Variants in BTNL9 observed in about 807,000 individuals in gnomAD.
BTNL9 encodes the protein butyrophilin-like protein 9.
In BTNL9, 45 loss-of-function variants were observed where a neutral mutation model predicts 45.8. The observed-to-expected ratio is 0.98, with a 90% CI of 0.77 to 1.26. BTNL9 has a LOEUF of 1.26. Among genes scored for constraint, BTNL9 ranks in the 50% most tolerant of loss-of-function variants. The pLI is 0.00. For synonymous variants in BTNL9, 346 were observed against 330.8 expected (o/e 1.05, Z -0.50); for missense variants, 784 against 729.7 (o/e 1.07, Z -0.86).
At chr5:181,047,814 C>T (rs13359580) in intron 2 of BTNL9, 113 bp from the exon 3 acceptor site, 473,285 of 973,262 alleles carry the variant, frequency 0.49, 116,727 homozygotes, top group African/African-American at 0.53. Flanking sequence ...TAGAGTATCT[C>T]ACCTTTCTTG....
intron 3 of BTNL9, among the ~76,000 whole-genome samples, chr5:181,049,305 G>A (rs1350265388): frequency 2.0e-5 from 3 of 152,124 alleles, no homozygotes; most frequent in Non-Finnish European, 2.9e-5. Flanking sequence ...GCAAAATAGT[G>A]GAAACCACCT....
chr5:181,059,140 T>TAA (rs1278827503), intron 10 of BTNL9, 97 bp from the exon 11 acceptor site: 1 of 1,406,542 alleles, frequency 7.1e-7, no homozygotes, highest in East Asian at 2.9e-5. Flanking sequence ...TCCTCGATTA[T>TAA]TCCACCAAGA....
Position 181,048,017 on chromosome 5 carries a change from C to G in BTNL9, c.200C>G (p.Ala67Gly). The G allele has an allele frequency of 6.2e-7, 1 of 1,613,832 alleles. No individual in the cohort carries two copies. Among genetic ancestry groups the G allele is most frequent in the Non-Finnish European group, 8.5e-7 (1 of 1,180,016 alleles). ...TGCCACCTATGGCCACAGCTGGATG[C>G]CCAGCAAATGGAGATCCGCTGGTTC... ...FPCHLWPQLD[A>G]QQMEIRWFRS... Residue 67 changes from alanine (A) to glycine (G), a missense_variant, in exon 3 of 11, where the codon GCC (alanine) becomes GGC (glycine). Transcript: ENST00000327705.
At chr5:181,049,883 G>T (rs543464253) in intron 3 of BTNL9, among the ~76,000 whole-genome samples, 1 of 152,158 alleles carries the variant, frequency 6.6e-6, no homozygotes, top group African/African-American at 2.4e-5. Context: ...TGTCCCTCAG[G>T]GGCATTACTG....
chr5:181,055,585 C>A lies in BTNL9; in HGVS notation c.928+132C>A. The A allele has an allele frequency of 9.6e-7, 1 of 1,038,408 alleles. No homozygotes were observed. The highest frequency in any genetic ancestry group is 1.5e-6 in the Non-Finnish European group (1 of 674,684). The allele number at this position is 1,038,408 out of a possible 1,614,324, so 64.3% of individuals were successfully genotyped here. On this transcript the variant is annotated intron_variant, in intron 8 of 10. Coordinates refer to ENST00000327705, the MANE Select transcript of BTNL9 (RefSeq NM_152547.5). The surrounding 1 kb of genome is among the most constrained non-coding windows in gnomAD (Gnocchi z 4.4). ...GAGATCGAGACCAGCCTGGCTAACACAGTGAAACCCCGTCTCTTCTAAAAA... is the reference window on the plus strand; with the variant it reads ...GAGATCGAGACCAGCCTGGCTAACAAAGTGAAACCCCGTCTCTTCTAAAAA...
chr5:181,058,517 C>G, intron 10 of BTNL9, 139 bp downstream of exon 10: 4 of 1,110,272 alleles, frequency 3.6e-6, no homozygotes, highest in Non-Finnish European at 5.5e-6. Context: ...CACACACGCA[C>G]ACTTGCAAAC....
chr5:181,050,616 AC>A lies in BTNL9; in HGVS notation c.736+250del, dbSNP rs1189888183. Among the ~76,000 whole-genome samples, 1 of 152,054 alleles carries A rather than the reference AC, an allele frequency of 6.6e-6. No individual in the cohort carries two copies. Among genetic ancestry groups the A allele is most frequent in the Non-Finnish European group, 1.5e-5 (1 of 67,998 alleles). ...TCTGTGCCTAAGGCCATACACTAAA[AC>A]CCATCAACTCTGCTCATCAGAGGCA... On this transcript the variant is annotated intron_variant, in intron 4 of 10. Coordinates refer to ENST00000327705, the MANE Select transcript of BTNL9 (RefSeq NM_152547.5). The surrounding 1 kb of genome is among the most constrained non-coding windows in gnomAD (Gnocchi z 4.9).
chr5:181,046,912 G>C (rs1561976549), intron 2 of BTNL9, among the ~76,000 whole-genome samples: 1 of 152,180 alleles, frequency 6.6e-6, no homozygotes, highest in East Asian at 1.9e-4. Flanking sequence ...AGACATCGGT[G>C]TGTGGAGAGA....
Position 181,050,496 on chromosome 5 carries a change from A to T in BTNL9, c.736+127A>T. 8.4e-7 allele frequency: 1 copy of T among 1,183,712 alleles called. No individual in the cohort carries two copies. The highest frequency in any genetic ancestry group is 1.2e-6 in the Non-Finnish European group (1 of 837,314). The allele number at this position is 1,183,712 out of a possible 1,614,324, so 73.3% of individuals were successfully genotyped here. On this transcript the variant is annotated intron_variant, in intron 4 of 10. Coordinates refer to ENST00000327705, the MANE Select transcript of BTNL9 (RefSeq NM_152547.5). The surrounding 1 kb of genome is among the most constrained non-coding windows in gnomAD (Gnocchi z 4.9). ...GCATATAGGGTGTGTTGGCCTTGAC[A>T]CCTGAAAAGTCAGCACCTTGGATAT... is the stretch of plus-strand genomic sequence containing the variant.
intron 1 of BTNL9, 65 bp from the exon 2 acceptor site, chr5:181,045,402 A>C (rs2113156746): frequency 1.2e-6 from 1 of 841,136 alleles, no homozygotes; most frequent in East Asian, 2.5e-5. Context: ...TTCAGGTCTG[A>C]TGGAGTGAGT....
In BTNL9 at chr5:181,059,398, GGCC is replaced by G; in HGVS notation, c.1148_1150del (p.Arg383del). On this transcript the variant is annotated inframe_deletion, in exon 11 of 11. Coordinates refer to ENST00000327705, the MANE Select transcript of BTNL9 (RefSeq NM_152547.5). ...GCTGAGCCTGGAGCGGTTCTCCGCC[GGCC>G]GCCACTACTGGGAGGTGCACGTGGG... 1 of 1,524,334 alleles carries G rather than the reference GGCC, an allele frequency of 6.6e-7. No individual in the cohort carries two copies. The highest frequency in any genetic ancestry group is 8.8e-7 in the Non-Finnish European group (1 of 1,138,844). The allele number at this position is 1,524,334 out of a possible 1,614,324, so 94.4% of individuals were successfully genotyped here.
chr5:181,045,459 C>G lies in BTNL9; in HGVS notation c.-23-8C>G. 1.4e-6 allele frequency: 2 copies of G among 1,473,430 alleles called. No individual in the cohort carries two copies. The highest frequency in any genetic ancestry group is 1.9e-6 in the Non-Finnish European group (2 of 1,052,280). 91.3% of individuals were successfully genotyped at this position (1,473,430 alleles called of 1,614,324 possible). A position where few individuals can be genotyped will look rare whatever the true frequency, so the allele number is the denominator to read the frequency against. On this transcript the variant is annotated splice_region_variant and splice_polypyrimidine_tract_variant and intron_variant, in intron 1 of 10. Coordinates refer to ENST00000327705, the MANE Select transcript of BTNL9 (RefSeq NM_152547.5). ...ACGTCGCTCCAGCACCCCTTTGTCC[C>G]TCTCCAGGTGGCCCCCACTGCTGAC... is the stretch of plus-strand genomic sequence containing the variant.
At chr5:181,048,950 A>G (rs1476099528) in intron 3 of BTNL9, among the ~76,000 whole-genome samples, 1 of 128,418 alleles carries the variant, frequency 7.8e-6, no homozygotes, top group Non-Finnish European at 1.7e-5. Flanking sequence ...TATATAATAT[A>G]TAATATATTG....
rs1192722386 is a variant in BTNL9 at position 181,042,606 on chromosome 5, C to G, written c.-24+2174C>G. On this transcript the variant is annotated intron_variant, in intron 1 of 10. Transcript: ENST00000327705. The surrounding 1 kb of genome is among the most constrained non-coding windows in gnomAD (Gnocchi z 4.5). The stretch of plus-strand genomic sequence containing the variant: ...GAAGCTGCCAGACCATCTCTCTCTG[C>G]TAAAGGCTTTCAAGATGATACCCTT... Among the ~76,000 whole-genome samples the G allele has an allele frequency of 6.6e-6, 1 of 152,174 alleles. No homozygotes were observed. Among genetic ancestry groups the G allele is most frequent in the African/African-American group, 2.4e-5 (1 of 41,432 alleles).
At position 181,045,590 on chromosome 5, in the gene BTNL9, C is replaced by T. The variant is rs369415772; in HGVS notation, c.101C>T (p.Pro34Leu). The change falls in exon 2 of 11, where the codon CCG becomes CTG. Residue 34 changes from proline to leucine, a missense_variant. Pro to Leu is a moderately conservative substitution (Grantham distance 98). Transcript: ENST00000327705. ...CTCCTCCTCCTTCAGCCTGGGGAGC[C>T]GAGCTCAGGTATTGTGTCTGCAGCC... ...MHLLLLQPGE[P>L]SSEVKVLGPE... is the part of the protein sequence containing the mutation. 3.4e-5 allele frequency: 55 copies of T among 1,610,696 alleles called. No individual in the cohort carries two copies. The highest frequency in any genetic ancestry group is 3.7e-5 in the Non-Finnish European group (43 of 1,177,908).
At position 181,045,603 on chromosome 5, in the gene BTNL9, T is replaced by A. The variant is rs1237292531; in HGVS notation, c.109+5T>A. 2 of 1,605,004 alleles carry A rather than the reference T, an allele frequency of 1.2e-6. No homozygotes were observed. Among genetic ancestry groups the A allele is most frequent in the Non-Finnish European group, 1.7e-6 (2 of 1,172,820 alleles). ...AGCCTGGGGAGCCGAGCTCAGGTATTGTGTCTGCAGCCTAGCTGGCCAGGA... is the reference window on the plus strand; with the variant it reads ...AGCCTGGGGAGCCGAGCTCAGGTATAGTGTCTGCAGCCTAGCTGGCCAGGA... On this transcript the variant is annotated splice_donor_5th_base_variant and intron_variant, in intron 2 of 10. Transcript: ENST00000327705.
chr5:181,044,840 C>T (rs1761002977), intron 1 of BTNL9, among the ~76,000 whole-genome samples: 1 of 152,086 alleles, frequency 6.6e-6, no homozygotes. Context: ...AAGATGCTAT[C>T]GACACAGAGA....
In BTNL9 at chr5:181,041,837, C is replaced by T. The variant is rs565380713; in HGVS notation, c.-24+1405C>T. ...CTTTTCATTTGATGCTTTTCTTGTG[C>T]CTAACCTTAGGAAATCCAGAATAGT... On this transcript the variant is annotated intron_variant, in intron 1 of 10. Transcript: ENST00000327705. Among the ~76,000 whole-genome samples the T allele has an allele frequency of 1.2e-4, 18 of 152,222 alleles. No individual in the cohort carries two copies. The South Asian group carries it at 3.5e-3, about 30-fold the overall frequency.
intron 1 of BTNL9, among the ~76,000 whole-genome samples, chr5:181,041,260 C>T (rs150558171): frequency 1.3e-5 from 2 of 152,322 alleles, no homozygotes; most frequent in Non-Finnish European, 2.9e-5. Flanking sequence ...TGTGGGAGGA[C>T]GTGGCCTGTG....
Sources: gnomAD v4.1 joint callset for allele counts (sites outside exome capture counted in the v4.1 genomes callset) on GRCh38, gnomAD v4.1.1 for gene constraint, Gnocchi (gnomAD v3.1) non-coding constraint, MANE v1.5 for transcripts, NCBI Gene and HGNC (gene_info 2026-07-23, HGNC 2026-07-21) for gene names.